BEGAIN: variants seen among roughly 807,000 people sequenced by gnomAD.
The protein encoded by BEGAIN is brain enriched guanylate kinase associated.
BEGAIN carries 19 observed loss-of-function variants against 35.8 expected under a neutral mutation model. That is an observed-to-expected ratio of 0.53 (90% CI 0.37 to 0.78). The LOEUF (loss-of-function observed/expected upper bound fraction) is 0.78. BEGAIN is among the 30% of genes least tolerant of loss of function. BEGAIN has a pLI of 0.00. For synonymous variants in BEGAIN, 462 were observed against 388.6 expected, an observed-to-expected ratio of 1.19 and a Z score of -2.22; for missense variants, 795 against 853.6, an observed-to-expected ratio of 0.93 and a Z score of 0.85.
chr14:100,543,186 C>T (rs966708907), intron 5 of BEGAIN, among the ~76,000 whole-genome samples: 3 of 152,204 alleles, frequency 2.0e-5, no homozygotes, highest in African/African-American at 7.2e-5. Context: ...CTGCAGCTGG[C>T]GACTCCCTGG....
chr14:100,579,032 T>C lies in BEGAIN; in HGVS notation c.42+8217A>G, dbSNP rs572033266. ...CCTGCTACCATGCCTGGCTAATTTT[T>C]GTATTTTTTGTAGACACAGAGTTTC... On this transcript the variant is annotated intron_variant, in intron 1 of 6. Transcript: ENST00000554140. 7.6e-4 allele frequency among the ~76,000 whole-genome samples: 116 copies of C among 152,274 alleles called. No homozygotes were observed. In the South Asian group the frequency reaches 0.011, roughly 14 times the overall value.
chr14:100,576,398 G>T (rs1030404516), intron 1 of BEGAIN, among the ~76,000 whole-genome samples: 1 of 152,196 alleles, frequency 6.6e-6, no homozygotes, highest in African/African-American at 2.4e-5. Context: ...CGACCTCCTG[G>T]GGTTGCGCCC....
chr14:100,570,627 G>T (rs2035050175), intron 1 of BEGAIN, among the ~76,000 whole-genome samples: 1 of 152,226 alleles, frequency 6.6e-6, no homozygotes, highest in East Asian at 1.9e-4. Context: ...TAAAAGATGG[G>T]TTGTGCCTGA....
At chr14:100,565,601 T>A (rs2034623098) in intron 2 of BEGAIN, among the ~76,000 whole-genome samples, 1 of 152,084 alleles carries the variant, frequency 6.6e-6, no homozygotes, top group Non-Finnish European at 1.5e-5. Flanking sequence ...AGACCCAGCC[T>A]GTGATGTGCA....
chr14:100,575,616 C>G (rs907923096), intron 1 of BEGAIN, among the ~76,000 whole-genome samples: 1 of 152,132 alleles, frequency 6.6e-6, no homozygotes, highest in African/African-American at 2.4e-5. Flanking sequence ...TGGTGCCCAT[C>G]ATGAGATACG....
chr14:100,539,086 T>C lies in BEGAIN; in HGVS notation c.722A>G (p.Tyr241Cys), dbSNP rs2031130801. 1 of 1,611,664 alleles carries C rather than the reference T, an allele frequency of 6.2e-7. No individual in the cohort carries two copies. The highest frequency in any genetic ancestry group is 1.1e-5 in the South Asian group (1 of 90,964). Residue 241 changes from tyrosine (Y) to cysteine (C), a missense_variant, in exon 7 of 7, where the codon TAC (tyrosine) becomes TGC (cysteine). By Grantham distance (194) the Tyr-to-Cys change is radical. Coordinates refer to ENST00000554140, the MANE Select transcript of BEGAIN (RefSeq NM_001385089.1). Reference sequence around the variant, plus strand: ...GTCACTGCAGTAGATGTCTCCCTTGTAGGGGGGCCGCGGGCCTGGTTTCTC... The same window carrying C: ...GTCACTGCAGTAGATGTCTCCCTTGCAGGGGGGCCGCGGGCCTGGTTTCTC... ...GVEKPGPRPP[Y>C]KGDIYCSDTA...
rs954005925 is a variant in BEGAIN, at chr14:100,586,594, G to T, written c.42+655C>A. On this transcript the variant is annotated intron_variant, in intron 1 of 6. Transcript: ENST00000554140. The surrounding 1 kb of genome is among the most constrained non-coding windows in gnomAD (Gnocchi z 4.9). ...AGAAATTCCCATCCAACGTGCTGGGGCTCAGGGAGGGTGAGCGCGCCGGCT... is the reference window on the plus strand; with the variant it reads ...AGAAATTCCCATCCAACGTGCTGGGTCTCAGGGAGGGTGAGCGCGCCGGCT... Among the ~76,000 whole-genome samples, 1 of 152,194 alleles carries T rather than the reference G, an allele frequency of 6.6e-6. No individual in the cohort carries two copies. Among genetic ancestry groups the T allele is most frequent in the Non-Finnish European group, 1.5e-5 (1 of 68,032 alleles).
chr14:100,546,799 C>T (rs1254741751), intron 2 of BEGAIN, 137 bp from the exon 3 acceptor site: 1 of 637,502 alleles, frequency 1.6e-6, no homozygotes, highest in Non-Finnish European at 2.4e-6. Context: ...CACACACACA[C>T]ACACACACAC....
rs2035119325 is a variant in BEGAIN, at chr14:100,573,045, T to C, written c.43-5106A>G. Among the ~76,000 whole-genome samples, 1 of 151,416 alleles carries C rather than the reference T, an allele frequency of 6.6e-6. No homozygotes were observed. The highest frequency in any genetic ancestry group is 2.4e-5 in the African/African-American group (1 of 41,112). ...CCACCCTGTATGTCCGACGGGGATA[T>C]GTGTACAGAGAAGGATGGGAGGCAG... On this transcript the variant is annotated intron_variant, in intron 1 of 6. Transcript: ENST00000554140. The surrounding 1 kb of genome is among the most constrained non-coding windows in gnomAD (Gnocchi z 4.2).
chr14:100,577,976 G>C, intron 1 of BEGAIN: 1 of 399,242 alleles, frequency 2.5e-6, no homozygotes, highest in East Asian at 3.6e-5. Context: ...TCCAAGGTCC[G>C]GGCTCCCCAA....
rs183780972 is a variant in BEGAIN at position 100,541,263 on chromosome 14, C to T, written c.409-684G>A. The stretch of plus-strand genomic sequence containing the variant: ...TGTGTTTGGGGCTTGCATTCCCGCC[C>T]CTCCGGGGTCCCCACTGCGAGGGCT... On this transcript the variant is annotated intron_variant, in intron 5 of 6. Transcript: ENST00000554140. 3.3e-5 allele frequency among the ~76,000 whole-genome samples: 5 copies of T among 152,374 alleles called. No homozygotes were observed. The East Asian group carries it at 9.7e-4, about 29-fold the overall frequency.
chr14:100,582,371 C>G (rs931887845), intron 1 of BEGAIN, among the ~76,000 whole-genome samples: 29 of 152,300 alleles, frequency 1.9e-4, no homozygotes, highest in African/African-American at 6.3e-4. Flanking sequence ...TCTTGATCTC[C>G]TGACCTCGTG....
intron 1 of BEGAIN, among the ~76,000 whole-genome samples, chr14:100,571,244 C>T (rs1020851939): frequency 6.6e-6 from 1 of 152,218 alleles, no homozygotes; most frequent in Non-Finnish European, 1.5e-5. Flanking sequence ...CTCACAGGAG[C>T]CCTGCCTGTT....
intron 6 of BEGAIN, among the ~76,000 whole-genome samples, chr14:100,539,969 G>A (rs113953434): frequency 0.032 from 4,906 of 152,298 alleles, 247 homozygotes; most frequent in African/African-American, 0.11. Flanking sequence ...GTCGGGGGAC[G>A]GGGTGCGCAG....
At position 100,564,084 on chromosome 14, in the gene BEGAIN, G is replaced by C. The variant is rs529139275; in HGVS notation, c.71+3827C>G. Among the ~76,000 whole-genome samples the C allele has an allele frequency of 6.3e-4, 95 of 151,146 alleles. 2 individuals are homozygous for C. Among genetic ancestry groups the C allele is most frequent in the Non-Finnish European group, 1.2e-3 (80 of 67,844 alleles). ...TTGGAGTAGGATGGGGCTGTCTGTG[G>C]GGAAGGGTCTCGGGGGATCTTAGGG... On this transcript the variant is annotated intron_variant, in intron 2 of 6. Coordinates refer to ENST00000554140, the MANE Select transcript of BEGAIN (RefSeq NM_001385089.1).
chr14:100,562,828 TG>T (rs2034384088), intron 2 of BEGAIN, among the ~76,000 whole-genome samples: 1 of 152,096 alleles, frequency 6.6e-6, no homozygotes, highest in Admixed American at 6.5e-5. Context: ...CTTGTCACCG[TG>T]ATATTTATTT....
At chr14:100,572,828 G>A (rs2035114287) in intron 1 of BEGAIN, among the ~76,000 whole-genome samples, 1 of 152,138 alleles carries the variant, frequency 6.6e-6, no homozygotes, top group African/African-American at 2.4e-5. Flanking sequence ...CACTTGGAGT[G>A]GACAGCTTTC....
chr14:100,574,635 G>A (rs1325930946), intron 1 of BEGAIN, among the ~76,000 whole-genome samples: 1 of 151,832 alleles, frequency 6.6e-6, no homozygotes, highest in African/African-American at 2.4e-5. Context: ...GGCAACGTCG[G>A]CCCACATTCC....
intron 1 of BEGAIN, among the ~76,000 whole-genome samples, chr14:100,580,552 CT>C (rs1285342594): frequency 1.3e-5 from 2 of 152,144 alleles, no homozygotes; most frequent in African/African-American, 4.8e-5. Flanking sequence ...CACTCTCTCC[CT>C]TCCCCTCCTT....
Sources: allele counts gnomAD v4.1 joint callset (sites outside exome capture counted in the v4.1 genomes callset), GRCh38; gene constraint gnomAD v4.1.1; non-coding constraint Gnocchi (gnomAD v3.1); transcripts MANE v1.5; gene names NCBI Gene and HGNC (gene_info 2026-07-23, HGNC 2026-07-21).